The following CALD1 variants were observed in gnomAD, a reference collection of about 807,000 sequenced individuals.
CALD1 encodes the protein caldesmon 1.
CALD1 carries 33 observed loss-of-function variants against 99.9 expected under a neutral mutation model. The observed-to-expected ratio is 0.33, with a 90% CI of 0.25 to 0.44. The LOEUF (loss-of-function observed/expected upper bound fraction) is 0.44, where lower values mean the gene tolerates loss of function less well. Ranked by LOEUF, CALD1 falls within the 20% of genes least tolerant of loss-of-function variation. CALD1 has a pLI of 1.00. For missense variants in CALD1, 861 were observed against 962.1 expected (o/e 0.89, Z 1.39); for synonymous variants, 310 against 325.0 (o/e 0.95, Z 0.50).
intron 3 of CALD1, among the ~76,000 whole-genome samples, chr7:134,905,854 A>G (rs1803333254): frequency 6.6e-6 from 1 of 151,472 alleles, no homozygotes; most frequent in African/African-American, 2.4e-5. Flanking sequence ...CATTGTTATT[A>G]ATCTCACATG....
At chr7:134,826,268 G>A (rs1026564232) in intron 1 of CALD1, among the ~76,000 whole-genome samples, 1 of 152,116 alleles carries the variant, frequency 6.6e-6, no homozygotes, top group African/African-American at 2.4e-5. Flanking sequence ...GCTTTTGAAT[G>A]TACTCACCCA....
chr7:134,956,542 A>G (rs10249517), intron 9 of CALD1, among the ~76,000 whole-genome samples: 86,499 of 152,032 alleles, frequency 0.57, 24,849 homozygotes, highest in Admixed American at 0.63. Context: ...TCTGCAAACC[A>G]TGAAGAGAGG....
At chr7:134,834,066 C>A (rs983553865) in intron 1 of CALD1, among the ~76,000 whole-genome samples, 1 of 152,142 alleles carries the variant, frequency 6.6e-6, no homozygotes, top group Non-Finnish European at 1.5e-5. Context: ...AAAAGTAAAT[C>A]ACATGAAACC....
At chr7:134,720,921 T>G in the CALD1 span, among the ~76,000 whole-genome samples, 10 of 152,340 alleles carry the variant, frequency 6.6e-5, no homozygotes, top group South Asian at 2.1e-3. Flanking sequence ...CTTGTCATAT[T>G]ACACTAGATT....
chr7:134,774,464 C>G (rs1796901688), intron 1 of CALD1, among the ~76,000 whole-genome samples: 1 of 152,164 alleles, frequency 6.6e-6, no homozygotes, highest in Non-Finnish European at 1.5e-5. Flanking sequence ...CTGTTCACTG[C>G]TTCACCTGGT....
chr7:134,755,614 C>A (rs945238500), intron 1 of CALD1, among the ~76,000 whole-genome samples: 1 of 152,156 alleles, frequency 6.6e-6, no homozygotes, highest in Admixed American at 6.5e-5. Flanking sequence ...TGAATGGCTC[C>A]CCCCGGTGGT....
chr7:134,712,180 G>A, the CALD1 span, among the ~76,000 whole-genome samples: 6 of 152,098 alleles, frequency 3.9e-5, no homozygotes, highest in African/African-American at 1.2e-4. Flanking sequence ...TAGAGTACTC[G>A]TTTTCAGCAT....
chr7:134,931,694 A>G (rs1361074917), intron 4 of CALD1, among the ~76,000 whole-genome samples: 1 of 152,210 alleles, frequency 6.6e-6, no homozygotes, highest in Non-Finnish European at 1.5e-5. Context: ...AGAAACCAAC[A>G]CCCTGGCTTG....
intron 1 of CALD1, among the ~76,000 whole-genome samples, chr7:134,782,612 T>C (rs73724856): frequency 0.017 from 2,561 of 152,302 alleles, 70 homozygotes; most frequent in African/African-American, 0.055. Context: ...ACTTCATCTG[T>C]TGAGTGAAGA....
intron 3 of CALD1, among the ~76,000 whole-genome samples, chr7:134,915,532 T>C (rs373710788): frequency 2.0e-5 from 3 of 152,184 alleles, no homozygotes; most frequent in African/African-American, 7.2e-5. Context: ...TGAATTAGGA[T>C]GGAATTGCCT....
At chr7:134,733,256 G>T in the CALD1 span, among the ~76,000 whole-genome samples, 1 of 152,206 alleles carries the variant, frequency 6.6e-6, no homozygotes, top group African/African-American at 2.4e-5. Flanking sequence ...AAACGGCAGA[G>T]GGGAGGAGCC....
intron 1 of CALD1, among the ~76,000 whole-genome samples, chr7:134,803,781 C>A (rs1798034249): frequency 1.3e-5 from 2 of 151,254 alleles, no homozygotes; most frequent in Non-Finnish European, 2.9e-5. Context: ...CTGCAACCTT[C>A]GCCTCCTGGG....
At chr7:134,902,463 T>C (rs941034740) in intron 3 of CALD1, among the ~76,000 whole-genome samples, 1 of 152,028 alleles carries the variant, frequency 6.6e-6, no homozygotes, top group African/African-American at 2.4e-5. Flanking sequence ...AATCTGAAGG[T>C]TTTGGGGCTG....
chr7:134,963,028 T>A, intron 13 of CALD1: 2 of 401,624 alleles, frequency 5.0e-6, no homozygotes, highest in Non-Finnish European at 9.9e-6. Flanking sequence ...ACTCTTTAAG[T>A]GATCTTGAAA....
intron 1 of CALD1, among the ~76,000 whole-genome samples, chr7:134,760,091 G>A (rs1796763281): frequency 6.6e-6 from 1 of 152,224 alleles, no homozygotes; most frequent in African/African-American, 2.4e-5. Context: ...TGCTCAGTGT[G>A]TTGCAGGAAC....
intron 3 of CALD1, 149 bp from the exon 4 acceptor site, chr7:134,928,605 A>G (rs2132903652): frequency 1.7e-6 from 1 of 602,200 alleles, no homozygotes; most frequent in East Asian, 3.1e-5. Context: ...CTAGGTCGCT[A>G]AACTTAAGGA....
At chr7:134,953,832 G>A (rs928704446) in intron 9 of CALD1, among the ~76,000 whole-genome samples, 18 of 151,998 alleles carry the variant, frequency 1.2e-4, no homozygotes, top group Non-Finnish European at 2.4e-4. Context: ...TACTCCCTCT[G>A]ATGGAGAGGC....
intron 4 of CALD1, among the ~76,000 whole-genome samples, chr7:134,930,115 G>A (rs866622577): frequency 5.9e-5 from 9 of 151,956 alleles, no homozygotes; most frequent in African/African-American, 7.3e-5. Flanking sequence ...ACAGAATTCC[G>A]CTTAATTTAA....
chr7:134,757,420 C>T (rs1396603197), intron 1 of CALD1, among the ~76,000 whole-genome samples: 12 of 152,146 alleles, frequency 7.9e-5, no homozygotes, highest in Admixed American at 7.9e-4. Context: ...TGTATGTTCG[C>T]TTGTTGATGC....
Sources: gnomAD v4.1 joint callset for allele counts (sites outside exome capture counted in the v4.1 genomes callset) on GRCh38, gnomAD v4.1.1 for gene constraint, MANE v1.5 for transcripts, NCBI Gene and HGNC (gene_info 2026-07-23, HGNC 2026-07-21) for gene names.